ADGRB1: variants seen among roughly 807,000 people sequenced by gnomAD.
The protein encoded by ADGRB1 is brain-specific angiogenesis inhibitor 1.
In ADGRB1, 36 loss-of-function variants were observed where a neutral mutation model predicts 175.7. The observed-to-expected ratio is 0.20, with a 90% confidence interval of 0.16 to 0.27. ADGRB1 has a LOEUF of 0.27. Ranked by LOEUF, ADGRB1 falls within the 10% of genes least tolerant of loss-of-function variation. The pLI, the probability that ADGRB1 is intolerant of heterozygous loss-of-function variation, is 1.00. For synonymous variants in ADGRB1, 1,054 were observed against 979.4 expected, an observed-to-expected ratio of 1.08 and a Z score of -1.42; for missense variants, 1,731 against 2,255.3, an observed-to-expected ratio of 0.77 and a Z score of 4.71.
At chr8:142,483,131 C>A (rs529975607) in intron 11 of ADGRB1, among the ~76,000 whole-genome samples, 1 of 151,420 alleles carries the variant, frequency 6.6e-6, no homozygotes, top group African/African-American at 2.4e-5. Flanking sequence ...TGACCTTGGT[C>A]ACATGCTGAA....
chr8:142,479,854 C>A, intron 9 of ADGRB1, 60 bp downstream of exon 9: 2 of 1,501,962 alleles, frequency 1.3e-6, no homozygotes, highest in South Asian at 1.2e-5. Flanking sequence ...CGGTGATGCC[C>A]ACGCTGAGGT....
intron 24 of ADGRB1, among the ~76,000 whole-genome samples, chr8:142,529,700 C>T (rs1471496672): frequency 9.7e-6 from 1 of 103,062 alleles, no homozygotes. Context: ...ATCGGTGTAC[C>T]TGTGAGCGTG....
chr8:142,513,712 C>T (rs550783552), intron 18 of ADGRB1, among the ~76,000 whole-genome samples: 4 of 152,048 alleles, frequency 2.6e-5, no homozygotes, highest in African/African-American at 4.8e-5. Flanking sequence ...GAGAAGTGCA[C>T]GGGGCTGAGG....
At position 142,479,324 on chromosome 8, in the gene ADGRB1, G is replaced by C; in HGVS notation, c.1563G>C (p.Val521=). Residue 521 remains valine (V), a splice_region_variant and synonymous_variant, in exon 8 of 31, where the codon GTG becomes GTC. Coordinates refer to ENST00000517894, the MANE Select transcript of ADGRB1 (RefSeq NM_001702.3). ...TRDCFLQQCP[V]DGKWQAWASW... is the part of the protein sequence containing the mutation. Reference sequence around the variant, plus strand: ...CCTGTGTCTGGCCACGCCCCGCAGTGGATGGCAAGTGGCAGGCCTGGGCGT... The same window carrying C: ...CCTGTGTCTGGCCACGCCCCGCAGTCGATGGCAAGTGGCAGGCCTGGGCGT... The C allele has an allele frequency of 6.6e-7, 1 of 1,507,864 alleles. No homozygotes were observed. The highest frequency in any genetic ancestry group is 8.8e-7 in the Non-Finnish European group (1 of 1,133,582). 93.4% of individuals were successfully genotyped at this position (1,507,864 alleles called of 1,614,324 possible).
chr8:142,485,112 T>C (rs1483267605), intron 13 of ADGRB1, among the ~76,000 whole-genome samples: 1 of 152,228 alleles, frequency 6.6e-6, no homozygotes, highest in East Asian at 1.9e-4. Flanking sequence ...CTTTCCCTGC[T>C]TGTCAGTCCC....
intron 2 of ADGRB1, among the ~76,000 whole-genome samples, chr8:142,469,651 G>A (rs564830102): frequency 8.0e-4 from 118 of 147,686 alleles, no homozygotes; most frequent in African/African-American, 2.9e-3. Context: ...ACGTGCGTGT[G>A]AACGCAAGTG....
chr8:142,529,336 GTGTT>G (rs549277516), intron 24 of ADGRB1, among the ~76,000 whole-genome samples: 21 of 152,272 alleles, frequency 1.4e-4, no homozygotes, highest in South Asian at 8.3e-4. Flanking sequence ...GTGTGCAGAT[GTGTT>G]TGTGTGTGTG....
At position 142,524,446 on chromosome 8, in the gene ADGRB1, GT is replaced by G; in HGVS notation, c.3312+143del. 4 of 977,182 alleles carry G rather than the reference GT, an allele frequency of 4.1e-6. No individual in the cohort carries two copies. The South Asian group carries it at 6.5e-5, about 16-fold the overall frequency. The allele number at this position is 977,182 out of a possible 1,614,324, so 60.5% of individuals were successfully genotyped here. On this transcript the variant is annotated intron_variant, in intron 23 of 30. Transcript: ENST00000517894. Reference sequence around the variant, plus strand: ...CCCTCATGGCCCTCATCACCAGGGGGTGGGGGTGCCCACAGCCCCACTCTGA... The same window carrying G: ...CCCTCATGGCCCTCATCACCAGGGGGGGGGGTGCCCACAGCCCCACTCTGA...
chr8:142,502,455 G>GTAGCGTTAGTAA, intron 17 of ADGRB1, among the ~76,000 whole-genome samples: 1 of 117,308 alleles, frequency 8.5e-6, no homozygotes, highest in Non-Finnish European at 1.9e-5. Context: ...TGATGATGGG[G>GTAGCGTTAGTAA]TGGTGCAGTC....
chr8:142,476,664 G>A lies in ADGRB1; in HGVS notation c.1026G>A (p.Leu342=), dbSNP rs1462633855. 1 of 1,547,560 alleles carries A rather than the reference G, an allele frequency of 6.5e-7. No homozygotes were observed. Among genetic ancestry groups the A allele is most frequent in the African/African-American group, 1.4e-5 (1 of 73,140 alleles). ...GGCGCGAGGAGCTGGGGGACGAGCT[G>A]CAGCAGTTTGGGTTCCCAGCCCCCC... The part of the protein sequence containing the change: ...ARRREELGDE[L]QQFGFPAPQT... Residue 342 remains leucine, a synonymous_variant, in exon 4 of 31, where the codon CTG becomes CTA. Transcript: ENST00000517894.
At chr8:142,508,130 G>A (rs1417946249) in intron 17 of ADGRB1, among the ~76,000 whole-genome samples, 1 of 152,308 alleles carries the variant, frequency 6.6e-6, no homozygotes, top group East Asian at 1.9e-4. Context: ...AGGTCTGCAA[G>A]GGACTGTCAG....
Position 142,543,347 on chromosome 8 carries a change from G to A in ADGRB1, c.4414-56G>A. The A allele has an allele frequency of 1.2e-6, 2 of 1,607,694 alleles. No individual in the cohort carries two copies. Among genetic ancestry groups the A allele is most frequent in the Non-Finnish European group, 1.7e-6 (2 of 1,176,364 alleles). On this transcript the variant is annotated intron_variant, in intron 28 of 30. Coordinates refer to ENST00000517894, the MANE Select transcript of ADGRB1 (RefSeq NM_001702.3). The surrounding 1 kb of genome is among the most constrained non-coding windows in gnomAD (Gnocchi z 4.4). The stretch of plus-strand genomic sequence containing the variant: ...ATGCCCTCAGTCTGAGGCAGGGAGA[G>A]GCGTGGACTTGTCAGGGACCCTTGG...
At chr8:142,524,766 TC>T (rs942167953) in intron 23 of ADGRB1, among the ~76,000 whole-genome samples, 1 of 152,024 alleles carries the variant, frequency 6.6e-6, no homozygotes, top group African/African-American at 2.4e-5. Flanking sequence ...CCTGTGTGGG[TC>T]CTTGGGCTTT....
intron 19 of ADGRB1, among the ~76,000 whole-genome samples, chr8:142,520,508 A>G (rs1296803976): frequency 3.5e-5 from 3 of 84,650 alleles, no homozygotes; most frequent in East Asian, 4.6e-4. Context: ...GATGATGGTG[A>G]TGTAGTGGTG....
intron 17 of ADGRB1, among the ~76,000 whole-genome samples, chr8:142,495,638 G>A (rs939838256): frequency 4.6e-5 from 7 of 151,898 alleles, no homozygotes; most frequent in African/African-American, 1.5e-4. Flanking sequence ...TTGTGGCGGC[G>A]TCACTCCAGT....
Position 142,478,067 on chromosome 8 carries a change from T to C in ADGRB1, c.1388-120T>C, listed in dbSNP as rs1841086994. The C allele has an allele frequency of 3.7e-6, 5 of 1,352,210 alleles. No homozygotes were observed. The African/African-American group carries it at 6.0e-5, about 16-fold the overall frequency. 83.8% of individuals were successfully genotyped at this position (1,352,210 alleles called of 1,614,324 possible). ...GTGGGTGGTGGCCCCCAGGGTGTTCTCATCTATGTCCCAGGCTGGGTGTGG... is the reference window on the plus strand; with the variant it reads ...GTGGGTGGTGGCCCCCAGGGTGTTCCCATCTATGTCCCAGGCTGGGTGTGG... On this transcript the variant is annotated intron_variant, in intron 6 of 30. Transcript: ENST00000517894.
At chr8:142,461,393 C>G (rs1242602055) in intron 1 of ADGRB1, among the ~76,000 whole-genome samples, 1 of 152,224 alleles carries the variant, frequency 6.6e-6, no homozygotes, top group Admixed American at 6.5e-5. Context: ...GGAGCCTGTC[C>G]TGGGACACCC....
At chr8:142,462,939 A>G (rs144517651) in intron 1 of ADGRB1, among the ~76,000 whole-genome samples, 4,178 of 152,172 alleles carry the variant, frequency 0.027, 89 homozygotes, top group Middle Eastern at 0.086. Context: ...ACCTCTGCTC[A>G]CCCGTGGCGC....
chr8:142,463,411 G>C (rs933789052), intron 1 of ADGRB1, among the ~76,000 whole-genome samples: 2 of 152,242 alleles, frequency 1.3e-5, no homozygotes, highest in African/African-American at 4.8e-5. Context: ...CCTTTAGAAA[G>C]GGCTCGGGGG....
Sources: allele counts gnomAD v4.1 joint callset (sites outside exome capture counted in the v4.1 genomes callset), GRCh38; gene constraint gnomAD v4.1.1; non-coding constraint Gnocchi (gnomAD v3.1); transcripts MANE v1.5; gene names NCBI Gene and HGNC (gene_info 2026-07-23, HGNC 2026-07-21).